WDR70: variants seen among roughly 807,000 people sequenced by gnomAD.
WDR70 encodes WD repeat domain 70, also known as WD repeat-containing protein 70.
A neutral mutation model predicts 88.6 loss-of-function variants in WDR70; 53 were observed. That is an observed-to-expected ratio of 0.60 (90% CI 0.48 to 0.75). The LOEUF (loss-of-function observed/expected upper bound fraction) is 0.75. WDR70 is among the 30% of genes least tolerant of loss of function. The pLI, the probability that WDR70 is intolerant of heterozygous loss-of-function variation, is 0.00. For synonymous variants in WDR70, 280 were observed against 270.0 expected (o/e 1.04, Z -0.36); for missense variants, 610 against 823.2 (o/e 0.74, Z 3.17).
At chr5:37,612,148 T>C (rs1214262335) in intron 10 of WDR70, among the ~76,000 whole-genome samples, 1 of 152,150 alleles carries the variant, frequency 6.6e-6, no homozygotes, top group Admixed American at 6.6e-5. Flanking sequence ...TTTTAAACAA[T>C]TTTTTAATAC....
At chr5:37,599,666 T>C (rs1203301058) in intron 9 of WDR70, among the ~76,000 whole-genome samples, 1 of 151,822 alleles carries the variant, frequency 6.6e-6, no homozygotes, top group Non-Finnish European at 1.5e-5. Flanking sequence ...CTGAGGTGGG[T>C]GGATCACCTG....
At chr5:37,443,150 G>C in intron 6 of WDR70, 89 bp from the exon 7 acceptor site, 3 of 1,404,454 alleles carry the variant, frequency 2.1e-6, no homozygotes, top group Non-Finnish European at 2.9e-6. Context: ...TATAACATAG[G>C]GGGTGGGATT....
chr5:37,443,496 C>T (rs1313617805), intron 7 of WDR70, 124 bp downstream of exon 7: 66 of 1,044,776 alleles, frequency 6.3e-5, no homozygotes, highest in Admixed American at 1.6e-4. Flanking sequence ...GTTTATATGA[C>T]TGTATACGGC....
intron 10 of WDR70, among the ~76,000 whole-genome samples, chr5:37,621,472 C>T (rs910049818): frequency 1.3e-5 from 2 of 152,084 alleles, no homozygotes; most frequent in African/African-American, 4.8e-5. Flanking sequence ...ATTCCTCATT[C>T]TCCCATTTAT....
chr5:37,380,670 TG>T (rs1748398356), intron 2 of WDR70, among the ~76,000 whole-genome samples: 1 of 150,984 alleles, frequency 6.6e-6, no homozygotes, highest in African/African-American at 2.5e-5. Flanking sequence ...TTTTTTGAGA[TG>T]GAGTCTCGCT....
At chr5:37,641,411 CTT>C (rs70978833) in intron 10 of WDR70, among the ~76,000 whole-genome samples, 93 of 80,354 alleles carry the variant, frequency 1.2e-3, no homozygotes, top group African/African-American at 2.5e-3. Flanking sequence ...TGTCCACATC[CTT>C]TTTTTTTTTT....
chr5:37,387,430 G>C (rs550219170), intron 3 of WDR70, among the ~76,000 whole-genome samples: 1 of 152,092 alleles, frequency 6.6e-6, no homozygotes, highest in Non-Finnish European at 1.5e-5. Context: ...TTGAAAAATT[G>C]TCTCAAGACT....
rs1203895876 is a variant in WDR70, at chr5:37,670,851, G to C, written c.1093-26804G>C. ...GAATGGGGTCTTTATTTTGTTCACT[G>C]CTATATCGCCAGTGGCTGGGACAAT... On this transcript the variant is annotated intron_variant, in intron 10 of 17. Coordinates refer to ENST00000265107, the MANE Select transcript of WDR70 (RefSeq NM_018034.4). Among the ~76,000 whole-genome samples the C allele has an allele frequency of 2.1e-4, 32 of 152,152 alleles. 1 individual carries two copies. Among genetic ancestry groups the C allele is most frequent in the Non-Finnish European group, 1.5e-5 (1 of 68,014 alleles).
intron 3 of WDR70, among the ~76,000 whole-genome samples, chr5:37,385,430 G>T (rs1748577640): frequency 6.6e-6 from 1 of 150,926 alleles, no homozygotes; most frequent in Non-Finnish European, 1.5e-5. Flanking sequence ...TGAGGTGAGA[G>T]GGTCAGTTGA....
chr5:37,668,065 C>T (rs948290352), intron 10 of WDR70, among the ~76,000 whole-genome samples: 2 of 151,946 alleles, frequency 1.3e-5, no homozygotes, highest in African/African-American at 4.8e-5. Context: ...GTTACAAAAA[C>T]AAACAAAGCA....
chr5:37,450,327 C>T (rs1738635571), intron 7 of WDR70, among the ~76,000 whole-genome samples: 1 of 152,128 alleles, frequency 6.6e-6, no homozygotes, highest in Admixed American at 6.5e-5. Context: ...TTAATATGCT[C>T]ATTGCTCCTG....
intron 9 of WDR70, among the ~76,000 whole-genome samples, chr5:37,539,955 C>G (rs1360353575): frequency 2.0e-5 from 3 of 152,148 alleles, no homozygotes; most frequent in Admixed American, 6.5e-5. Flanking sequence ...CTGTGGCATT[C>G]TTGGAGATTT....
chr5:37,676,077 T>C (rs1177983793), intron 10 of WDR70, among the ~76,000 whole-genome samples: 1 of 145,590 alleles, frequency 6.9e-6, no homozygotes, highest in Non-Finnish European at 1.5e-5. Flanking sequence ...TTTTTGTACA[T>C]TGATTTTGTA....
At chr5:37,417,778 C>G (rs1749807271) in intron 5 of WDR70, among the ~76,000 whole-genome samples, 1 of 152,156 alleles carries the variant, frequency 6.6e-6, no homozygotes, top group South Asian at 2.1e-4. Flanking sequence ...AGCTCCTTGG[C>G]TCAAGTGATC....
intron 17 of WDR70, among the ~76,000 whole-genome samples, chr5:37,747,248 G>C (rs759623506): frequency 6.6e-6 from 1 of 152,020 alleles, no homozygotes; most frequent in African/African-American, 2.4e-5. Flanking sequence ...AGACATTTAC[G>C]TGGCCAACAA....
chr5:37,437,339 A>G (rs574243280), intron 5 of WDR70, among the ~76,000 whole-genome samples: 1 of 152,308 alleles, frequency 6.6e-6, no homozygotes, highest in Non-Finnish European at 1.5e-5. Context: ...GTTTGTTAGA[A>G]ATTAAGTACT....
At chr5:37,688,298 CT>C (rs1192003732) in intron 10 of WDR70, among the ~76,000 whole-genome samples, 1 of 152,172 alleles carries the variant, frequency 6.6e-6, no homozygotes, top group African/African-American at 2.4e-5. Flanking sequence ...ACAATGCTAG[CT>C]TTTGCTTGAA....
chr5:37,627,475 T>A lies in WDR70; in HGVS notation c.1092+22237T>A, dbSNP rs188424029. 3.9e-5 allele frequency among the ~76,000 whole-genome samples: 6 copies of A among 152,276 alleles called. No individual in the cohort carries two copies. The East Asian group carries it at 1.2e-3, about 29-fold the overall frequency. Reference sequence around the variant, plus strand: ...TTCTTTTACTAATTTGGGGTTTGTTTGTTTTTTTTCTTCATTTTCTAGTTC... The same window carrying A: ...TTCTTTTACTAATTTGGGGTTTGTTAGTTTTTTTTCTTCATTTTCTAGTTC... On this transcript the variant is annotated intron_variant, in intron 10 of 17. Transcript: ENST00000265107.
rs1340101148 is a variant in WDR70 at position 37,614,713 on chromosome 5, GC to G, written c.1092+9479del. On this transcript the variant is annotated intron_variant, in intron 10 of 17. Transcript: ENST00000265107. ...CAAAGCCTAAGATACTTACTGTATG[GC>G]CCCTTATAGAAAAAGATTTTGACCC... Among the ~76,000 whole-genome samples the G allele has an allele frequency of 2.0e-5, 3 of 152,176 alleles. No individual in the cohort carries two copies. In the South Asian group the frequency reaches 6.2e-4, roughly 32 times the overall value.
Sources: allele counts gnomAD v4.1 joint callset (sites outside exome capture counted in the v4.1 genomes callset), GRCh38; gene constraint gnomAD v4.1.1; transcripts MANE v1.5; gene names NCBI Gene and HGNC (gene_info 2026-07-23, HGNC 2026-07-21).